Variants in FANK1 observed in about 807,000 individuals in gnomAD.
FANK1 encodes fibronectin type 3 and ankyrin repeat domains protein 1.
FANK1 carries 44 observed loss-of-function variants against 45.3 expected under a neutral mutation model. The ratio of observed to expected loss-of-function variants is 0.97; its 90% CI spans 0.76 to 1.25. The LOEUF (loss-of-function observed/expected upper bound fraction) is 1.25, where lower values mean the gene tolerates loss of function less well. Among genes scored for constraint, FANK1 ranks in the 50% most tolerant of loss-of-function variants. FANK1 has a pLI of 0.00. For synonymous variants in FANK1, 149 were observed against 152.5 expected, an observed-to-expected ratio of 0.98 and a Z score of 0.17; for missense variants, 391 against 424.4, an observed-to-expected ratio of 0.92 and a Z score of 0.69.
chr10:125,936,820 C>T (rs1948130739), intron 1 of FANK1, among the ~76,000 whole-genome samples: 1 of 152,094 alleles, frequency 6.6e-6, no homozygotes, highest in Non-Finnish European at 1.5e-5. Flanking sequence ...GTAATCCGAG[C>T]ACTTAGGGAG....
intron 1 of FANK1, among the ~76,000 whole-genome samples, chr10:125,960,671 C>T (rs539885316): frequency 5.9e-5 from 9 of 152,222 alleles, no homozygotes; most frequent in South Asian, 4.1e-4. Context: ...GGACTACAGG[C>T]GCCCACCACC....
intron 1 of FANK1, among the ~76,000 whole-genome samples, chr10:125,912,996 A>G (rs765410102): frequency 2.6e-5 from 4 of 152,274 alleles, no homozygotes; most frequent in African/African-American, 2.4e-5. Context: ...TTAAACTTCA[A>G]AGAAACCACA....
intron 1 of FANK1, among the ~76,000 whole-genome samples, chr10:125,925,432 T>G (rs1947281556): frequency 6.6e-6 from 1 of 152,212 alleles, no homozygotes; most frequent in Admixed American, 6.5e-5. Context: ...TTTCCCACTG[T>G]GCTGCCCAGG....
intron 1 of FANK1, among the ~76,000 whole-genome samples, chr10:125,938,647 A>G (rs1948253431): frequency 6.6e-6 from 1 of 152,118 alleles, no homozygotes; most frequent in South Asian, 2.1e-4. Flanking sequence ...TGTCCCTACT[A>G]AAAATACAAA....
chr10:125,918,041 C>G (rs1245653335), intron 1 of FANK1, among the ~76,000 whole-genome samples: 1 of 151,246 alleles, frequency 6.6e-6, no homozygotes, highest in Non-Finnish European at 1.5e-5. Flanking sequence ...GATCATGCCA[C>G]TGTACTCCAA....
chr10:125,913,462 T>C (rs1003698894), intron 1 of FANK1, among the ~76,000 whole-genome samples: 1 of 152,232 alleles, frequency 6.6e-6, no homozygotes, highest in African/African-American at 2.4e-5. Flanking sequence ...CATTCACTAA[T>C]CAGTTGCCCG....
intron 1 of FANK1, among the ~76,000 whole-genome samples, chr10:125,977,243 T>C (rs1229743726): frequency 1.3e-5 from 2 of 152,234 alleles, no homozygotes; most frequent in Non-Finnish European, 2.9e-5. Context: ...TTAATGTAGA[T>C]TGAGTACGGT....
At chr10:125,918,616 A>G (rs1408065972) in intron 1 of FANK1, among the ~76,000 whole-genome samples, 5 of 135,174 alleles carry the variant, frequency 3.7e-5, no homozygotes, top group Admixed American at 1.5e-4. Context: ...ATAGTTATAT[A>G]TACTTTACCA....
rs917902367 is a variant in FANK1, at chr10:125,946,776, C to T, written c.14-33385C>T. On this transcript the variant is annotated intron_variant, in intron 1 of 10. Transcript: ENST00000368693. ...CAGAGAACGCCACAAAGATACTCCT[C>T]GAGAAGAGCAACTCCAAGACACATA... Among the ~76,000 whole-genome samples the T allele has an allele frequency of 3.4e-4, 22 of 65,112 alleles. 1 individual carries two copies. Among genetic ancestry groups the T allele is most frequent in the African/African-American group, 1.4e-3 (20 of 14,204 alleles). The allele number at this position is 65,112 out of a possible 152,430, so 42.7% of individuals were successfully genotyped here. A position where few individuals can be genotyped will look rare whatever the true frequency, so the allele number is the denominator to read the frequency against.
intron 1 of FANK1, among the ~76,000 whole-genome samples, chr10:125,904,974 A>G (rs1945361175): frequency 1.4e-5 from 2 of 144,732 alleles, no homozygotes; most frequent in African/African-American, 5.1e-5. Context: ...AAATACAACA[A>G]AAAAAAATTA....
intron 1 of FANK1, among the ~76,000 whole-genome samples, chr10:125,964,873 T>C (rs1950125092): frequency 6.6e-6 from 1 of 152,238 alleles, no homozygotes; most frequent in African/African-American, 2.4e-5. Context: ...TCTTCACTGC[T>C]ATTGGCAGAT....
chr10:125,989,207 C>T (rs754810801), intron 3 of FANK1: 39 of 1,405,234 alleles, frequency 2.8e-5, no homozygotes, highest in Middle Eastern at 1.8e-4. Context: ...CTGAGCCCTT[C>T]AGCCGGCTGA....
At chr10:125,906,241 C>T (rs149983278) in intron 1 of FANK1, among the ~76,000 whole-genome samples, 1 of 150,828 alleles carries the variant, frequency 6.6e-6, no homozygotes, top group Non-Finnish European at 1.5e-5. Flanking sequence ...AGCAGCTAGG[C>T]ACAGTGGCTC....
At chr10:125,995,026 TTTTTTTCCAAGTAG>T in intron 3 of FANK1, 5 of 890,132 alleles carry the variant, frequency 5.6e-6, no homozygotes, top group South Asian at 1.0e-4. Context: ...TTGTCTTTTT[TTTTTTTCCAAGTAG>T]TTTAACATCT....
At chr10:125,938,822 C>A (rs1948268276) in intron 1 of FANK1, among the ~76,000 whole-genome samples, 1 of 151,946 alleles carries the variant, frequency 6.6e-6, no homozygotes, top group South Asian at 2.1e-4. Context: ...ACAAACACCC[C>A]CCTGCCAAAA....
intron 6 of FANK1, among the ~76,000 whole-genome samples, chr10:125,999,941 GA>G (rs1350890632): frequency 6.6e-6 from 1 of 152,138 alleles, no homozygotes; most frequent in East Asian, 1.9e-4. Flanking sequence ...GAATCAACTT[GA>G]AAAACTTAGA....
At chr10:125,914,992 GAC>G (rs1946333898) in intron 1 of FANK1, among the ~76,000 whole-genome samples, 1 of 152,308 alleles carries the variant, frequency 6.6e-6, no homozygotes, top group Middle Eastern at 3.4e-3. Flanking sequence ...GGTCGGGAGA[GAC>G]TGGTAGATCC....
intron 1 of FANK1, among the ~76,000 whole-genome samples, chr10:125,914,422 A>G (rs1946286885): frequency 6.6e-6 from 1 of 152,102 alleles, no homozygotes; most frequent in South Asian, 2.1e-4. Context: ...GGGAGGACAC[A>G]TGACAGTCAG....
chr10:125,966,609 A>G (rs1278888072), intron 1 of FANK1, among the ~76,000 whole-genome samples: 1 of 152,186 alleles, frequency 6.6e-6, no homozygotes, highest in Non-Finnish European at 1.5e-5. Context: ...TTGGAAATAA[A>G]TGTCAAGCAG....
Sources: gnomAD v4.1 joint callset for allele counts (sites outside exome capture counted in the v4.1 genomes callset) on GRCh38, gnomAD v4.1.1 for gene constraint, MANE v1.5 for transcripts, NCBI Gene and HGNC (gene_info 2026-07-23, HGNC 2026-07-21) for gene names.